AK9: variants seen among roughly 807,000 people sequenced by gnomAD.
AK9 encodes the protein adenylate kinase domain containing 1.
AK9 carries 191 observed loss-of-function variants against 239.6 expected under a neutral mutation model. The ratio of observed to expected loss-of-function variants is 0.80; its 90% confidence interval spans 0.71 to 0.90. The LOEUF is 0.90. AK9 is among the 40% of genes least tolerant of loss of function. AK9 has a pLI of 0.00. For synonymous variants in AK9, 689 were observed against 721.0 expected, an observed-to-expected ratio of 0.96 and a Z score of 0.71; for missense variants, 1,995 against 2,214.7, an observed-to-expected ratio of 0.90 and a Z score of 1.99.
intron 21 of AK9, among the ~76,000 whole-genome samples, chr6:109,567,872 T>TA (rs1786799441): frequency 8.9e-6 from 1 of 112,900 alleles, no homozygotes; most frequent in Non-Finnish European, 1.9e-5. Flanking sequence ...CCCTAGAACT[T>TA]AAAGTAAAAT....
intron 24 of AK9, among the ~76,000 whole-genome samples, chr6:109,560,353 T>C (rs1303669995): frequency 3.9e-5 from 6 of 151,976 alleles, no homozygotes; most frequent in Admixed American, 2.6e-4. Context: ...TTCCTTGTCC[T>C]GATCTTAGGA....
At chr6:109,557,435 G>A (rs1006963831) in intron 24 of AK9, among the ~76,000 whole-genome samples, 9 of 152,134 alleles carry the variant, frequency 5.9e-5, no homozygotes, top group African/African-American at 2.2e-4. Flanking sequence ...TGTATAGAAT[G>A]TCTAACAACC....
In AK9 at chr6:109,675,651, C is replaced by G. The variant is rs1219843718; in HGVS notation, c.95G>C (p.Cys32Ser). 6.4e-7 allele frequency: 1 copy of G among 1,569,584 alleles called. No individual in the cohort carries two copies. The highest frequency in any genetic ancestry group is 8.6e-7 in the Non-Finnish European group (1 of 1,159,402). The stretch of plus-strand genomic sequence containing the variant: ...TACTGGTTTCCCAAATACAACAAAG[C>G]AAACAGGTTTGGACAACAAAAAATT... ...ERNFLLSKPV[C>S]FVVFGKPGVG... The change falls in exon 2 of 41, where the codon TGC (cysteine) becomes TCC (serine). Residue 32 changes from cysteine to serine, a missense_variant. By Grantham distance (112) the Cys-to-Ser change is moderately radical (BLOSUM62 -1). Around this residue, in one of 5 missense-constraint regions of AK9, gnomAD observed 252 missense variants for 246.4 expected, o/e 1.02. Coordinates refer to ENST00000424296, the MANE Select transcript of AK9 (RefSeq NM_001145128.3).
rs181781741 is a variant in AK9, at chr6:109,565,231, C to A, written c.2345-386G>T. On this transcript the variant is annotated intron_variant, in intron 21 of 40. Transcript: ENST00000424296. ...AGTGAATTGTGCCTGTAATCCTAGC[C>A]TTTGGGAGGCAGAGGTGGGAGAATC... Among the ~76,000 whole-genome samples the A allele has an allele frequency of 5.2e-3, 791 of 152,224 alleles. 12 individuals carry two copies. Among genetic ancestry groups the A allele is most frequent in the Non-Finnish European group, 4.3e-3 (295 of 68,006 alleles).
intron 13 of AK9, among the ~76,000 whole-genome samples, chr6:109,615,003 T>C (rs1242107809): frequency 6.6e-6 from 1 of 152,222 alleles, no homozygotes; most frequent in Non-Finnish European, 1.5e-5. Context: ...TATTGCTATA[T>C]TCCAGTGGGA....
At chr6:109,569,133 A>G (rs1178821771) in intron 21 of AK9, among the ~76,000 whole-genome samples, 1 of 152,208 alleles carries the variant, frequency 6.6e-6, no homozygotes, top group Non-Finnish European at 1.5e-5. Context: ...CCACACATCT[A>G]CAACCATCTG....
At position 109,494,444 on chromosome 6, in the gene AK9, C is replaced by T. The variant is rs115087951; in HGVS notation, c.5419-349G>A. 2.6e-3 allele frequency: 438 copies of T among 167,730 alleles called. 1 individual carries two copies. The highest frequency in any genetic ancestry group is 9.8e-3 in the African/African-American group (412 of 42,014). 10.4% of individuals were successfully genotyped at this position (167,730 alleles called of 1,614,324 possible). A position where few individuals can be genotyped will look rare whatever the true frequency, so the allele number is the denominator to read the frequency against. ...CCCTAGGCTTTGCGATATCTTGGCC[C>T]GTATCTGCTTTCATTCTCAGAAATG... On this transcript the variant is annotated intron_variant, in intron 39 of 40. Transcript: ENST00000424296.
rs5879032 is a variant in AK9, at chr6:109,615,258, C to CTT, written c.1400-780_1400-779dup. Among the ~76,000 whole-genome samples the CTT allele has an allele frequency of 7.8e-3, 1,081 of 139,198 alleles. 8 individuals carry two copies. The highest frequency in any genetic ancestry group is 0.022 in the South Asian group (97 of 4,408). The allele number at this position is 139,198 out of a possible 152,430, so 91.3% of individuals were successfully genotyped here. On this transcript the variant is annotated intron_variant, in intron 13 of 40. Coordinates refer to ENST00000424296, the MANE Select transcript of AK9 (RefSeq NM_001145128.3). The stretch of plus-strand genomic sequence containing the variant: ...ATTTTTTTTCCATCTGTTCCCTTGG[C>CTT]TTTTTTTTTTTTTTGCCTTCTGCCT...
At chr6:109,637,344 T>C (rs1176485545) in intron 10 of AK9, among the ~76,000 whole-genome samples, 3 of 152,130 alleles carry the variant, frequency 2.0e-5, no homozygotes, top group Non-Finnish European at 4.4e-5. Flanking sequence ...CTGTGGGTTG[T>C]CTTTTTACTC....
At chr6:109,592,446 C>CTTTTT (rs55998817) in intron 17 of AK9, among the ~76,000 whole-genome samples, 51 of 126,758 alleles carry the variant, frequency 4.0e-4, no homozygotes, top group Non-Finnish European at 5.3e-4. Context: ...AATGGGATTT[C>CTTTTT]TTTTTTTTTT....
chr6:109,517,093 C>T (rs965279077), intron 29 of AK9, among the ~76,000 whole-genome samples: 1 of 152,148 alleles, frequency 6.6e-6, no homozygotes, highest in Non-Finnish European at 1.5e-5. Context: ...CAATGTGGAG[C>T]GGGTTCACTG....
intron 3 of AK9, among the ~76,000 whole-genome samples, chr6:109,672,744 C>T (rs1250259680): frequency 8.6e-5 from 13 of 151,970 alleles, no homozygotes; most frequent in Admixed American, 7.2e-4. Context: ...TCTGTAAACG[C>T]CTCTGCACCT....
At chr6:109,585,849 T>C in intron 18 of AK9, 67 bp downstream of exon 18, 5 of 1,432,820 alleles carry the variant, frequency 3.5e-6, no homozygotes, top group Non-Finnish European at 3.8e-6. Flanking sequence ...TTGTCCGTTC[T>C]ATATTTAACC....
chr6:109,501,898 A>G (rs1777637920), intron 35 of AK9, among the ~76,000 whole-genome samples: 1 of 152,218 alleles, frequency 6.6e-6, no homozygotes, highest in Admixed American at 6.5e-5. Flanking sequence ...GCTTTCTAGG[A>G]GAGCATTATT....
intron 1 of AK9, among the ~76,000 whole-genome samples, chr6:109,685,155 G>A (rs1458140108): frequency 6.6e-6 from 1 of 152,086 alleles, no homozygotes; most frequent in African/African-American, 2.4e-5. Context: ...TTCAACCATT[G>A]TGGAAGACAG....
At chr6:109,569,171 A>T (rs932565696) in intron 21 of AK9, among the ~76,000 whole-genome samples, 1 of 152,150 alleles carries the variant, frequency 6.6e-6, no homozygotes, top group African/African-American at 2.4e-5. Context: ...CAAAAACAAG[A>T]AATGGGGAAA....
chr6:109,499,158 A>G lies in AK9; in HGVS notation c.4932T>C (p.Pro1644=). 6.2e-7 allele frequency: 1 copy of G among 1,605,076 alleles called. No individual in the cohort carries two copies. The highest frequency in any genetic ancestry group is 8.5e-7 in the Non-Finnish European group (1 of 1,175,446). Residue 1644 remains proline (P), a synonymous_variant, in exon 36 of 41, where the codon CCT becomes CCC. Transcript: ENST00000424296. ...SRLGEFEQFC[P]VSLAESQELF... ...ATTCCTGGGATTCTGCCAGGCTGACAGGGCAGAACTGTTCAAATTCTCCCA... is the reference window on the plus strand; with the variant it reads ...ATTCCTGGGATTCTGCCAGGCTGACGGGGCAGAACTGTTCAAATTCTCCCA...
Position 109,598,041 on chromosome 6 carries a change from C to T in AK9, c.1843-11969G>A, listed in dbSNP as rs140852812. Among the ~76,000 whole-genome samples the T allele has an allele frequency of 1.5e-3, 224 of 151,798 alleles. 2 individuals are homozygous for T. The highest frequency in any genetic ancestry group is 5.0e-3 in the African/African-American group (207 of 41,432). On this transcript the variant is annotated intron_variant, in intron 17 of 40. Coordinates refer to ENST00000424296, the MANE Select transcript of AK9 (RefSeq NM_001145128.3). ...TTATAAATACTTTCCCCAGCTTGTCCTTTGTCTTAAATTTTTGATTTGTGT... is the reference window on the plus strand; with the variant it reads ...TTATAAATACTTTCCCCAGCTTGTCTTTTGTCTTAAATTTTTGATTTGTGT...
At position 109,644,763 on chromosome 6, in the gene AK9, T is replaced by C. The variant is rs1797837923; in HGVS notation, c.760-75A>G. 4.0e-6 allele frequency: 5 copies of C among 1,261,952 alleles called. No homozygotes were observed. The Admixed American group carries it at 9.8e-5, about 25-fold the overall frequency. 78.2% of individuals were successfully genotyped at this position (1,261,952 alleles called of 1,614,324 possible). ...TGAATACAAGATCAGAATCTTAATA[T>C]ACTGTGCAGATATATTTAAAGTAAA... On this transcript the variant is annotated intron_variant, in intron 8 of 40. Coordinates refer to ENST00000424296, the MANE Select transcript of AK9 (RefSeq NM_001145128.3).
Sources: gnomAD v4.1 joint callset for allele counts (sites outside exome capture counted in the v4.1 genomes callset) on GRCh38, gnomAD v4.1.1 for gene constraint, gnomAD v4.1.1 regional missense constraint, MANE v1.5 for transcripts, NCBI Gene and HGNC (gene_info 2026-07-23, HGNC 2026-07-21) for gene names.